Variants in AQR observed in about 807,000 individuals in gnomAD.
AQR encodes the protein RNA helicase aquarius.
Under a neutral mutation model 180.5 loss-of-function variants are expected in AQR, and 61 were observed. The observed-to-expected ratio is 0.34, with a 90% CI of 0.28 to 0.42. The LOEUF is 0.42. AQR is among the 10% of genes least tolerant of loss of function. AQR has a pLI of 1.00. For missense variants in AQR, 1,281 were observed against 1,798.3 expected (o/e 0.71, Z 5.20); for synonymous variants, 551 against 588.8 (o/e 0.94, Z 0.93).
chr15:34,892,777 C>T (rs1410499691), intron 23 of AQR, among the ~76,000 whole-genome samples: 2 of 152,322 alleles, frequency 1.3e-5, no homozygotes, highest in African/African-American at 2.4e-5. Context: ...AATCATCTAA[C>T]ACAATGTGCC....
chr15:34,944,554 T>C, intron 5 of AQR, 126 bp from the exon 6 acceptor site: 4 of 946,596 alleles, frequency 4.2e-6, no homozygotes, highest in Non-Finnish European at 4.5e-6. Context: ...TATTTGTATA[T>C]GTATAAAAGA....
chr15:34,936,892 T>C (rs969725876), intron 9 of AQR, among the ~76,000 whole-genome samples: 2 of 152,162 alleles, frequency 1.3e-5, no homozygotes, highest in African/African-American at 4.8e-5. Context: ...ATTAGTTCTA[T>C]AGACGTTAGT....
chr15:34,959,674 T>C lies in AQR; in HGVS notation c.173+1100A>G, dbSNP rs146992070. ...TAAGCAAAAAATTTTAGGATCATCT[T>C]TGATTCTTCCTTTTCCTACATCTGC... On this transcript the variant is annotated intron_variant, in intron 3 of 34. Transcript: ENST00000156471. 6.0e-3 allele frequency among the ~76,000 whole-genome samples: 918 copies of C among 152,356 alleles called. 8 individuals are homozygous for C. The highest frequency in any genetic ancestry group is 0.037 in the Middle Eastern group (11 of 294).
At chr15:34,907,117 T>A (rs1893430299) in intron 17 of AQR, among the ~76,000 whole-genome samples, 1 of 152,182 alleles carries the variant, frequency 6.6e-6, no homozygotes, top group African/African-American at 2.4e-5. Flanking sequence ...GTTTAAACTA[T>A]CTATCAGTGT....
At chr15:34,865,267 G>A (rs1892724931) in intron 32 of AQR, among the ~76,000 whole-genome samples, 1 of 152,130 alleles carries the variant, frequency 6.6e-6, no homozygotes, top group South Asian at 2.1e-4. Flanking sequence ...AACAGGTTAC[G>A]TGCATTTCTA....
chr15:34,905,296 G>A (rs1045525047), intron 18 of AQR, among the ~76,000 whole-genome samples: 6 of 151,850 alleles, frequency 4.0e-5, no homozygotes, highest in African/African-American at 1.5e-4. Context: ...TTCAAAAGAA[G>A]TACAACAACC....
rs1259614506 is a variant in AQR, at chr15:34,863,003, C to A, written c.3893G>T (p.Arg1298Ile). 6.2e-7 allele frequency: 1 copy of A among 1,613,606 alleles called. No homozygotes were observed. Among genetic ancestry groups the A allele is most frequent in the African/African-American group, 1.3e-5 (1 of 74,866 alleles). Residue 1298 changes from arginine to isoleucine, a missense_variant, in exon 33 of 35, where the codon AGA becomes ATA. Physicochemically the swap from Arg to Ile is moderately conservative, Grantham distance 97. Transcript: ENST00000156471. ...RRLVVAMSRA[R>I]LGLYIFARVS... ...TCTGGCGAAGATATAAAGTCCAAGTCTGGCTCTAGACATGGCCACTACCAA... is the reference window on the plus strand; with the variant it reads ...TCTGGCGAAGATATAAAGTCCAAGTATGGCTCTAGACATGGCCACTACCAA...
intron 7 of AQR, 98 bp downstream of exon 7, chr15:34,941,914 T>C: frequency 1.2e-6 from 1 of 859,280 alleles, no homozygotes; most frequent in Non-Finnish European, 1.7e-6. Context: ...AAGGGGTATT[T>C]AGCTACCACT....
chr15:34,936,561 C>T (rs1343773368), intron 9 of AQR, among the ~76,000 whole-genome samples: 1 of 151,962 alleles, frequency 6.6e-6, no homozygotes, highest in Non-Finnish European at 1.5e-5. Context: ...ACTAAGAATA[C>T]AAAAATTAGC....
intron 5 of AQR, among the ~76,000 whole-genome samples, chr15:34,946,722 C>G (rs1472666634): frequency 9.9e-5 from 14 of 141,780 alleles, no homozygotes; most frequent in South Asian, 2.2e-4. Context: ...GTCAGCCCCC[C>G]ACCCGGCCAG....
rs1278416632 is a variant in AQR, at chr15:34,870,839, T to C, written c.3681A>G (p.Leu1227=). The C allele has an allele frequency of 1.2e-6, 2 of 1,613,402 alleles. No homozygotes were observed. The highest frequency in any genetic ancestry group is 1.3e-5 in the African/African-American group (1 of 74,892). ...LGYPADKISI[L]TTYNGQKHLI... ...GATGCTTTTGGCCATTATATGTTGTTAGAATACTGATTTTGTCAGCAGGGT... is the reference window on the plus strand; with the variant it reads ...GATGCTTTTGGCCATTATATGTTGTCAGAATACTGATTTTGTCAGCAGGGT... Residue 1227 remains leucine, a synonymous_variant, in exon 31 of 35, where the codon CTA becomes CTG. Transcript: ENST00000156471.
Position 34,857,154 on chromosome 15 carries a change from T to C in AQR, c.4144-48A>G, listed in dbSNP as rs1257139320. 4.0e-6 allele frequency: 6 copies of C among 1,484,546 alleles called. No individual in the cohort carries two copies. In the African/African-American group the frequency reaches 5.6e-5, roughly 14 times the overall value. The allele number at this position is 1,484,546 out of a possible 1,614,324, so 92.0% of individuals were successfully genotyped here. A position where few individuals can be genotyped will look rare whatever the true frequency, so the allele number is the denominator to read the frequency against. The stretch of plus-strand genomic sequence containing the variant: ...AGACAATACCAATATGAAAAACAGC[T>C]TATAAAGCTAAGCTCTCACATTACC... On this transcript the variant is annotated intron_variant, in intron 34 of 34. Coordinates refer to ENST00000156471, the MANE Select transcript of AQR (RefSeq NM_014691.3).
intron 4 of AQR, among the ~76,000 whole-genome samples, chr15:34,949,896 G>A (rs1272233650): frequency 2.7e-5 from 4 of 149,876 alleles, no homozygotes; most frequent in African/African-American, 9.8e-5. Context: ...GGCCTAGGGG[G>A]TTGAGGTTGC....
At chr15:34,916,524 A>G (rs1278955603) in intron 15 of AQR, among the ~76,000 whole-genome samples, 1 of 152,200 alleles carries the variant, frequency 6.6e-6, no homozygotes, top group South Asian at 2.1e-4. Flanking sequence ...TCTGACTTGT[A>G]ATCTAACTCA....
At chr15:34,931,835 C>A (rs1362214288) in intron 11 of AQR, among the ~76,000 whole-genome samples, 1 of 152,072 alleles carries the variant, frequency 6.6e-6, no homozygotes, top group East Asian at 1.9e-4. Flanking sequence ...AAAACAAAAC[C>A]AAAAGAAATG....
At chr15:34,929,381 G>C (rs767205537) in intron 12 of AQR, among the ~76,000 whole-genome samples, 17 of 152,134 alleles carry the variant, frequency 1.1e-4, no homozygotes, top group Admixed American at 1.3e-4. Flanking sequence ...CTGTAAGGAA[G>C]GGGTCCAGTT....
chr15:34,943,717 G>A (rs956412724), intron 6 of AQR, among the ~76,000 whole-genome samples: 2 of 151,910 alleles, frequency 1.3e-5, no homozygotes, highest in African/African-American at 4.8e-5. Flanking sequence ...TAACCACACA[G>A]GAAAGCTCAA....
intron 27 of AQR, among the ~76,000 whole-genome samples, chr15:34,879,962 A>T (rs1218185665): frequency 1.3e-5 from 2 of 152,174 alleles, no homozygotes; most frequent in Non-Finnish European, 2.9e-5. Context: ...CCAGGAAAGT[A>T]AGAGTCCTCT....
Position 34,857,077 on chromosome 15 carries a change from T to C in AQR, c.4173A>G (p.Val1391=), listed in dbSNP as rs780283450. Residue 1391 remains valine (V), a synonymous_variant, in exon 35 of 35, where the codon GTA becomes GTG. Coordinates refer to ENST00000156471, the MANE Select transcript of AQR (RefSeq NM_014691.3). ...QTLLQLPPAM[V]EEGEEVQNQE... ...GATTTTGAACTTCCTCACCCTCTTCTACCATAGCAGGTGGTAGTTGTAATA... is the reference window on the plus strand; with the variant it reads ...GATTTTGAACTTCCTCACCCTCTTCCACCATAGCAGGTGGTAGTTGTAATA... 6.3e-7 allele frequency: 1 copy of C among 1,593,590 alleles called. No individual in the cohort carries two copies. Among genetic ancestry groups the C allele is most frequent in the Non-Finnish European group, 8.5e-7 (1 of 1,171,268 alleles).
Sources: gnomAD v4.1 joint callset for allele counts (sites outside exome capture counted in the v4.1 genomes callset) on GRCh38, gnomAD v4.1.1 for gene constraint, MANE v1.5 for transcripts, NCBI Gene and HGNC (gene_info 2026-07-23, HGNC 2026-07-21) for gene names.